Variants in CNTNAP5 observed in about 807,000 individuals in gnomAD.
CNTNAP5 encodes contactin associated protein family member 5.
CNTNAP5 carries 72 observed loss-of-function variants against 150.2 expected under a neutral mutation model. The ratio of observed to expected loss-of-function variants is 0.48; its 90% CI spans 0.40 to 0.58. CNTNAP5 has a LOEUF of 0.58. Among genes scored for constraint, CNTNAP5 ranks in the 20% least tolerant of loss-of-function variants. CNTNAP5 has a pLI of 0.00. For missense variants in CNTNAP5, 1,636 were observed against 1,626.2 expected (o/e 1.01, Z -0.10); for synonymous variants, 672 against 619.8 (o/e 1.08, Z -1.25).
chr2:124,704,123 T>C (rs1356585542), intron 13 of CNTNAP5, among the ~76,000 whole-genome samples: 1 of 152,198 alleles, frequency 6.6e-6, no homozygotes, highest in African/African-American at 2.4e-5. Context: ...TTTAGTTCTG[T>C]ATTCTTTATG....
At chr2:124,054,817 A>G (rs1039973978) in intron 1 of CNTNAP5, among the ~76,000 whole-genome samples, 1 of 152,150 alleles carries the variant, frequency 6.6e-6, no homozygotes, top group African/African-American at 2.4e-5. Flanking sequence ...TGCCTTTTCT[A>G]TTTCCCTTCC....
intron 6 of CNTNAP5, 139 bp downstream of exon 6, chr2:124,447,076 C>A: frequency 1.3e-6 from 1 of 766,846 alleles, no homozygotes; most frequent in Non-Finnish European, 2.1e-6. Flanking sequence ...TCCATCTATG[C>A]CAGATAGTCA....
chr2:124,479,315 G>A (rs1316024156), intron 7 of CNTNAP5, among the ~76,000 whole-genome samples: 1 of 152,140 alleles, frequency 6.6e-6, no homozygotes, highest in African/African-American at 2.4e-5. Context: ...CATCAGAAAT[G>A]ATGCTTTTTT....
At chr2:124,081,214 A>T (rs1682553415) in intron 1 of CNTNAP5, among the ~76,000 whole-genome samples, 1 of 152,148 alleles carries the variant, frequency 6.6e-6, no homozygotes, top group South Asian at 2.1e-4. Flanking sequence ...AACAATTAAC[A>T]TGAAATATGT....
chr2:124,224,158 G>A (rs1424696252), intron 2 of CNTNAP5, among the ~76,000 whole-genome samples: 6 of 152,086 alleles, frequency 3.9e-5, no homozygotes, highest in Admixed American at 3.9e-4. Context: ...AGAAACAAAA[G>A]CTTCCAGGTC....
chr2:124,321,879 G>C (rs941840509), intron 3 of CNTNAP5, among the ~76,000 whole-genome samples: 13 of 152,134 alleles, frequency 8.5e-5, no homozygotes, highest in African/African-American at 3.1e-4. Context: ...GCCAGGTGAG[G>C]TGGCTCACGC....
At chr2:124,430,136 C>T (rs1692338086) in intron 4 of CNTNAP5, among the ~76,000 whole-genome samples, 4 of 151,808 alleles carry the variant, frequency 2.6e-5, no homozygotes, top group African/African-American at 7.3e-5. Flanking sequence ...GGATGGAGGA[C>T]CCCTTAGAAA....
At chr2:124,766,040 G>C (rs144981439) in intron 16 of CNTNAP5, among the ~76,000 whole-genome samples, 3 of 152,260 alleles carry the variant, frequency 2.0e-5, no homozygotes, top group Non-Finnish European at 2.9e-5. Flanking sequence ...GATTTGTTTG[G>C]TGAAGGGATG....
At chr2:124,798,346 C>A in intron 19 of CNTNAP5, 26 bp downstream of exon 19, 1 of 1,540,950 alleles carries the variant, frequency 6.5e-7, no homozygotes, top group Non-Finnish European at 9.0e-7. Context: ...TGATACCCAG[C>A]GGAGTCTCAG....
chr2:124,618,538 A>G (rs955678457), intron 12 of CNTNAP5, among the ~76,000 whole-genome samples: 4 of 152,162 alleles, frequency 2.6e-5, no homozygotes, highest in African/African-American at 9.6e-5. Context: ...AGCCAGCTCA[A>G]TCCAGTGACC....
intron 3 of CNTNAP5, among the ~76,000 whole-genome samples, chr2:124,391,888 G>A (rs57759501): frequency 0.1 from 15,444 of 152,054 alleles, 1,103 homozygotes; most frequent in African/African-American, 0.21. Flanking sequence ...CTCGGGAAGC[G>A]GAGCTTGCAG....
intron 3 of CNTNAP5, among the ~76,000 whole-genome samples, chr2:124,285,260 A>C (rs534325362): frequency 1.3e-5 from 2 of 152,114 alleles, no homozygotes; most frequent in African/African-American, 4.8e-5. Flanking sequence ...AACTTTCATG[A>C]GCTAACACCA....
At chr2:124,419,228 G>GA (rs1413293918) in intron 4 of CNTNAP5, among the ~76,000 whole-genome samples, 1 of 138,512 alleles carries the variant, frequency 7.2e-6, no homozygotes, top group Non-Finnish European at 1.5e-5. Context: ...CATCTATTTT[G>GA]ATCTAAGAAT....
chr2:124,914,737 G>A lies in CNTNAP5; in HGVS notation c.*449G>A, dbSNP rs1678727923. On this transcript the variant is annotated 3_prime_UTR_variant, in exon 24 of 24. Transcript: ENST00000682447. ...CTTACCATAGAACCCAGGGCAGGGA[G>A]AGAAGAACCTAGAGGCCTGGTTTGC... 6.5e-6 allele frequency: 1 copy of A among 153,394 alleles called. No individual in the cohort carries two copies. The highest frequency in any genetic ancestry group is 1.5e-5 in the Non-Finnish European group (1 of 68,960). The allele number at this position is 153,394 out of a possible 1,614,324, so 9.5% of individuals were successfully genotyped here. A position where few individuals can be genotyped will look rare whatever the true frequency, so the allele number is the denominator to read the frequency against.
At chr2:124,329,207 T>A (rs904517806) in intron 3 of CNTNAP5, among the ~76,000 whole-genome samples, 2 of 152,138 alleles carry the variant, frequency 1.3e-5, no homozygotes, top group Admixed American at 1.3e-4. Flanking sequence ...TGAACAAAGA[T>A]TATTTTATTA....
intron 1 of CNTNAP5, among the ~76,000 whole-genome samples, chr2:124,146,079 C>T (rs535214999): frequency 6.6e-6 from 1 of 152,234 alleles, no homozygotes; most frequent in East Asian, 1.9e-4. Context: ...GGACAAAGGT[C>T]ACCATACCTG....
rs573036055 is a variant in CNTNAP5, at chr2:124,184,294, T to C, written c.83-37411T>C. Among the ~76,000 whole-genome samples, 3 of 152,246 alleles carry C rather than the reference T, an allele frequency of 2.0e-5. No homozygotes were observed. In the East Asian group the frequency reaches 5.8e-4, roughly 30 times the overall value. ...GAATTACTTCAAAAGGGACCATATA[T>C]GCCCCTCCCCAGCTTTGGGGTGGGC... is the stretch of plus-strand genomic sequence containing the variant. On this transcript the variant is annotated intron_variant, in intron 1 of 23. Coordinates refer to ENST00000682447, the MANE Select transcript of CNTNAP5 (RefSeq NM_001367498.1).
At chr2:124,233,902 A>G (rs1686683522) in intron 2 of CNTNAP5, among the ~76,000 whole-genome samples, 1 of 151,986 alleles carries the variant, frequency 6.6e-6, no homozygotes, top group Non-Finnish European at 1.5e-5. Flanking sequence ...GACCTTTTAA[A>G]CTCAAAAACA....
intron 13 of CNTNAP5, among the ~76,000 whole-genome samples, chr2:124,681,865 G>C (rs1344202612): frequency 6.6e-6 from 1 of 152,046 alleles, no homozygotes; most frequent in African/African-American, 2.4e-5. Flanking sequence ...CCAGGCCCTT[G>C]TTTTTGTTTT....
Sources: allele counts gnomAD v4.1 joint callset (sites outside exome capture counted in the v4.1 genomes callset), GRCh38; gene constraint gnomAD v4.1.1; transcripts MANE v1.5; gene names NCBI Gene and HGNC (gene_info 2026-07-23, HGNC 2026-07-21).